Variants in THAP8 observed in about 807,000 individuals in gnomAD.
THAP8 encodes THAP domain containing 8.
Under a neutral mutation model 25.0 loss-of-function variants are expected in THAP8, and 24 were observed. The observed-to-expected ratio is 0.96, with a 90% CI of 0.69 to 1.35. THAP8 has a LOEUF of 1.35. Among genes scored for constraint, THAP8 ranks in the 40% most tolerant of loss-of-function variants. The pLI is 0.00. For missense variants in THAP8, 399 were observed against 368.8 expected (o/e 1.08, Z -0.67); for synonymous variants, 169 against 157.6 (o/e 1.07, Z -0.54).
chr19:36,039,458 T>C lies in THAP8; in HGVS notation c.537A>G (p.Ala179=), dbSNP rs773549132. The C allele has an allele frequency of 8.1e-6, 13 of 1,600,194 alleles. No individual in the cohort carries two copies. Among genetic ancestry groups the C allele is most frequent in the South Asian group, 1.1e-5 (1 of 89,164 alleles). The change falls in exon 3 of 4, where the codon GCA becomes GCG. Residue 179 remains alanine (A), a synonymous_variant. Transcript: ENST00000292894. ...AQTGLGPVLG[A]LQRRVRRLQR... is the part of the protein sequence containing the mutation. Reference sequence around the variant, plus strand: ...GCAGCCTCCGCACCCGGCGTTGCAGTGCTCCCAGCACTGGGCCCAGCCCGG... The same window carrying C: ...GCAGCCTCCGCACCCGGCGTTGCAGCGCTCCCAGCACTGGGCCCAGCCCGG...
chr19:36,046,529 G>C (rs1969887414), intron 1 of THAP8, among the ~76,000 whole-genome samples: 1 of 152,144 alleles, frequency 6.6e-6, no homozygotes, highest in South Asian at 2.1e-4. Flanking sequence ...GCTGGTGAAA[G>C]AGCACAGAAA....
At chr19:36,054,418 G>C (rs1970224685), upstream of THAP8, 1 of 633,128 alleles carries the variant, frequency 1.6e-6, no homozygotes, top group Non-Finnish European at 2.8e-6. Flanking sequence ...CCCTCGTCAC[G>C]TGACGAATGG....
rs1466336862 is a variant in THAP8 at position 36,040,131 on chromosome 19, G to C, written c.89C>G (p.Pro30Arg). 7 of 1,605,682 alleles carry C rather than the reference G, an allele frequency of 4.4e-6. No homozygotes were observed. The highest frequency in any genetic ancestry group is 4.5e-5 in the East Asian group (2 of 44,718). Residue 30 changes from proline to arginine, a missense_variant, in exon 2 of 4, where the codon CCA becomes CGA. By Grantham distance (103) the Pro-to-Arg change is moderately radical. Transcript: ENST00000292894. Reference protein sequence around the residue: ...DNRPVSFYKFPLKDGPRLQAW... With the variant: ...DNRPVSFYKFRLKDGPRLQAW... ...CTGCAGCCGGGGACCATCCTTCAGT[G>C]GGAACCTGCATGGGTGGTTGGGGGG...
rs539753796 is a variant in THAP8, at chr19:36,035,190, A to G, written c.*250T>C. The G allele has an allele frequency of 1.1e-5, 5 of 455,304 alleles. No homozygotes were observed. Among genetic ancestry groups the G allele is most frequent in the African/African-American group, 5.8e-5 (3 of 51,370 alleles). 28.2% of individuals were successfully genotyped at this position (455,304 alleles called of 1,614,324 possible). ...GCTCTGCTCTGAGGCTGTCGTACTG[A>G]TTTGCAAAGATCTGAGCCGGGGGTG... On this transcript the variant is annotated 3_prime_UTR_variant, in exon 4 of 4. Transcript: ENST00000292894.
At chr19:36,044,297 ATTAC>A (rs1969801159) in intron 1 of THAP8, among the ~76,000 whole-genome samples, 2 of 152,108 alleles carry the variant, frequency 1.3e-5, no homozygotes, top group African/African-American at 2.4e-5. Context: ...TATCTGTGAT[ATTAC>A]TTATTTCATA....
chr19:36,037,988 A>G (rs1176203721), intron 3 of THAP8, among the ~76,000 whole-genome samples: 2 of 151,834 alleles, frequency 1.3e-5, no homozygotes, highest in Admixed American at 6.6e-5. Context: ...TCTGTTGCCC[A>G]GGCTTGAGTG....
chr19:36,047,378 G>C (rs1969913362), intron 1 of THAP8, among the ~76,000 whole-genome samples: 1 of 152,196 alleles, frequency 6.6e-6, no homozygotes, highest in Admixed American at 6.5e-5. Context: ...CTTATAAAGG[G>C]AGATGATTCA....
chr19:36,045,246 T>A (rs1048003478), intron 1 of THAP8, among the ~76,000 whole-genome samples: 1 of 151,528 alleles, frequency 6.6e-6, no homozygotes, highest in African/African-American at 2.4e-5. Context: ...CGCCACCACG[T>A]CCGGCTAATT....
intron 1 of THAP8, among the ~76,000 whole-genome samples, chr19:36,052,961 G>A (rs1032653265): frequency 7.2e-5 from 11 of 152,146 alleles, no homozygotes; most frequent in African/African-American, 2.2e-4. Context: ...AGTGGCTCAC[G>A]CCTGTAATCC....
At chr19:36,049,975 A>C (rs1281637701) in intron 1 of THAP8, among the ~76,000 whole-genome samples, 1 of 150,130 alleles carries the variant, frequency 6.7e-6, no homozygotes, top group Non-Finnish European at 1.5e-5. Flanking sequence ...AATCACTTGA[A>C]CCTGGGAGGC....
Position 36,054,169 on chromosome 19 carries a change from G to A in THAP8, c.49C>T (p.Leu17=), listed in dbSNP as rs754532316. Residue 17 remains leucine (L), a synonymous_variant, in exon 1 of 4, where the codon CTG becomes TTG. Transcript: ENST00000292894. ...CTCACAGGGCGGTTGTCTGCACCCA[G>A]GCGGCCCGCAGTGTTGGAGCAGTTC... The part of the protein sequence containing the change: ...APNCSNTAGR[L]GADNRPVSFY... The A allele has an allele frequency of 9.9e-6, 16 of 1,613,832 alleles. No individual in the cohort carries two copies. The African/African-American group carries it at 1.3e-4, about 13-fold the overall frequency.
At chr19:36,037,304 A>T (rs1297121678) in intron 3 of THAP8, among the ~76,000 whole-genome samples, 1 of 142,824 alleles carries the variant, frequency 7.0e-6, no homozygotes, top group Non-Finnish European at 1.6e-5. Context: ...TCCCCTACAC[A>T]CACACACACA....
At position 36,035,355 on chromosome 19, in the gene THAP8, C is replaced by T. The variant is rs145436998; in HGVS notation, c.*85G>A. ...GGCACTGCTACTACCCAGGCGTGGG[C>T]GGTGGGGCTGGGCCAAGCCCACGTA... On this transcript the variant is annotated 3_prime_UTR_variant, in exon 4 of 4. Transcript: ENST00000292894. The T allele has an allele frequency of 1.1e-5, 16 of 1,519,728 alleles. No homozygotes were observed. In the East Asian group the frequency reaches 1.6e-4, roughly 15 times the overall value. The allele number at this position is 1,519,728 out of a possible 1,614,324, so 94.1% of individuals were successfully genotyped here.
chr19:36,042,930 CTTAT>C (rs1191505606), intron 1 of THAP8, among the ~76,000 whole-genome samples: 1 of 151,754 alleles, frequency 6.6e-6, no homozygotes, highest in African/African-American at 2.4e-5. Context: ...CCATGCCCGG[CTTAT>C]TTATTTATTT....
chr19:36,048,363 C>A (rs1969943672), intron 1 of THAP8, among the ~76,000 whole-genome samples: 1 of 148,746 alleles, frequency 6.7e-6, no homozygotes, highest in African/African-American at 2.5e-5. Context: ...AGTGGGACTT[C>A]ATTTCTTTTT....
intron 1 of THAP8, among the ~76,000 whole-genome samples, chr19:36,041,352 A>G (rs1486543768): frequency 2.0e-5 from 3 of 151,928 alleles, no homozygotes; most frequent in African/African-American, 7.3e-5. Flanking sequence ...AGGTGTGATA[A>G]CTGTATTGGT....
chr19:36,043,356 C>G (rs943957077), intron 1 of THAP8, among the ~76,000 whole-genome samples: 1 of 152,054 alleles, frequency 6.6e-6, no homozygotes, highest in African/African-American at 2.4e-5. Flanking sequence ...CAGTCAAATT[C>G]CTAGAGACAG....
chr19:36,039,707 C>T lies in THAP8; in HGVS notation c.288G>A (p.Arg96=). ...SRGPPAKSQR[R]TRSTQKPVSP... ...AGACTGGCTTCTGGGTGCTTCGGGT[C>T]CTCCGCTGACTCTGGAAGACAAGGC... The change falls in exon 3 of 4, where the codon AGG becomes AGA. Residue 96 remains arginine, a synonymous_variant. Transcript: ENST00000292894. 6.6e-7 allele frequency: 1 copy of T among 1,519,404 alleles called. No individual in the cohort carries two copies. The highest frequency in any genetic ancestry group is 1.7e-4 in the Middle Eastern group (1 of 5,788). 94.1% of individuals were successfully genotyped at this position (1,519,404 alleles called of 1,614,324 possible).
intron 1 of THAP8, among the ~76,000 whole-genome samples, chr19:36,052,023 T>C (rs957148333): frequency 3.3e-5 from 5 of 152,000 alleles, no homozygotes; most frequent in South Asian, 2.1e-4. Flanking sequence ...CCTCCATTTT[T>C]TTTTTGTTTG....
Sources: gnomAD v4.1 joint callset for allele counts (sites outside exome capture counted in the v4.1 genomes callset) on GRCh38, gnomAD v4.1.1 for gene constraint, MANE v1.5 for transcripts, NCBI Gene and HGNC (gene_info 2026-07-23, HGNC 2026-07-21) for gene names.